TRIM37: variants seen among roughly 807,000 people sequenced by gnomAD.
The protein encoded by TRIM37 is tripartite motif containing 37.
In TRIM37, 80 loss-of-function variants were observed where a neutral mutation model predicts 129.8. The ratio of observed to expected loss-of-function variants is 0.62; its 90% CI spans 0.51 to 0.74. The LOEUF is 0.74. TRIM37 is among the 30% of genes least tolerant of loss of function. TRIM37 has a pLI of 0.00. For synonymous variants in TRIM37, 389 were observed against 387.1 expected, an observed-to-expected ratio of 1.00 and a Z score of -0.06; for missense variants, 1,054 against 1,176.5, an observed-to-expected ratio of 0.90 and a Z score of 1.52.
At chr17:59,009,255 G>A (rs1275953857) in intron 22 of TRIM37, among the ~76,000 whole-genome samples, 1 of 151,868 alleles carries the variant, frequency 6.6e-6, no homozygotes, top group Non-Finnish European at 1.5e-5. Context: ...AGCCTCTCGA[G>A]TAGCTGGGAT....
At chr17:58,983,157 G>T in intron 24 of TRIM37, 1 of 447,366 alleles carries the variant, frequency 2.2e-6, no homozygotes, top group East Asian at 3.5e-5. Flanking sequence ...TAGGGGTCTG[G>T]ATTTTGTAGG....
chr17:58,981,076 C>G (rs1567901537), downstream of TRIM37: 2 of 1,333,850 alleles, frequency 1.5e-6, no homozygotes, highest in Non-Finnish European at 2.1e-6. Context: ...AATAAAAATA[C>G]CACTATCAGA....
Position 59,049,319 on chromosome 17 carries a change from T to G in TRIM37, c.1389A>C (p.Gln463His). The G allele has an allele frequency of 1.2e-6, 2 of 1,614,198 alleles. No homozygotes were observed. The highest frequency in any genetic ancestry group is 1.7e-6 in the Non-Finnish European group (2 of 1,180,050). The change falls in exon 15 of 24, where the codon CAA becomes CAC. Residue 463 changes from glutamine (Q) to histidine (H), a missense_variant. Physicochemically the swap from Gln to His is conservative, Grantham distance 24. Coordinates refer to ENST00000262294, the MANE Select transcript of TRIM37 (RefSeq NM_015294.6). ...CTCGTGTCTCCAGAGCATCATCATT[T>G]TGGGGGCTAAGATGGTTATCTGGTG... Reference protein sequence around the residue: ...LSPPDNHLSPQNDDALETRAK... With the variant: ...LSPPDNHLSPHNDDALETRAK...
downstream of TRIM37, chr17:58,981,252 G>T: frequency 2.0e-6 from 1 of 499,190 alleles, no homozygotes; most frequent in South Asian, 2.9e-5. Context: ...GCTGGTCCCT[G>T]TGATGTGTCT....
At chr17:58,969,385 C>A in the TRIM37 span, 1 of 769,346 alleles carries the variant, frequency 1.3e-6, no homozygotes, top group Non-Finnish European at 2.3e-6. Flanking sequence ...AGCAGTTGAT[C>A]AGGCATGTTA....
At chr17:59,063,023 G>A (rs776368041) in intron 10 of TRIM37, among the ~76,000 whole-genome samples, 1 of 152,166 alleles carries the variant, frequency 6.6e-6, no homozygotes, top group South Asian at 2.1e-4. Flanking sequence ...CTTCTCTGCA[G>A]TATAATCATC....
chr17:58,983,110 T>C, intron 24 of TRIM37: 1 of 564,322 alleles, frequency 1.8e-6, no homozygotes, highest in Non-Finnish European at 3.1e-6. Flanking sequence ...GGGAAAAAAA[T>C]GGCTGGATAG....
downstream of TRIM37, among the ~76,000 whole-genome samples, chr17:58,996,469 C>CA (rs776770215): frequency 0.034 from 2,705 of 78,962 alleles, 58 homozygotes; most frequent in African/African-American, 0.067. Flanking sequence ...GAACCTGTCT[C>CA]AAAAAAAAAA....
chr17:59,052,576 G>T (rs922065536), intron 13 of TRIM37, among the ~76,000 whole-genome samples: 3 of 152,080 alleles, frequency 2.0e-5, no homozygotes, highest in Non-Finnish European at 4.4e-5. Context: ...ATTTAATGTT[G>T]GGATAGTCTT....
chr17:59,036,457 T>A (rs972794043), intron 17 of TRIM37, among the ~76,000 whole-genome samples: 2 of 149,694 alleles, frequency 1.3e-5, no homozygotes, highest in African/African-American at 5.0e-5. Context: ...GGTGTGTGTG[T>A]GTGTGTGTGT....
intron 2 of TRIM37, among the ~76,000 whole-genome samples, chr17:59,094,663 G>T (rs1599540451): frequency 6.6e-6 from 1 of 152,010 alleles, no homozygotes; most frequent in South Asian, 2.1e-4. Context: ...ATTACTACTG[G>T]ATGTGAGGAA....
chr17:59,048,854 C>A (rs1367156737), intron 15 of TRIM37, among the ~76,000 whole-genome samples: 4 of 152,234 alleles, frequency 2.6e-5, no homozygotes, highest in Non-Finnish European at 4.4e-5. Flanking sequence ...ACCTTGGCCT[C>A]CCAAAGTGCT....
At chr17:59,090,764 T>C (rs2044223987) in intron 3 of TRIM37, among the ~76,000 whole-genome samples, 3 of 152,120 alleles carry the variant, frequency 2.0e-5, no homozygotes, top group African/African-American at 2.4e-5. Context: ...TAGCTGGGAC[T>C]ATAGTCGCGC....
At chr17:59,090,853 C>T (rs370341192) in intron 3 of TRIM37, among the ~76,000 whole-genome samples, 11 of 152,008 alleles carry the variant, frequency 7.2e-5, no homozygotes, top group Admixed American at 2.0e-4. Context: ...GTCGAATTCC[C>T]GACCTCAGGT....
At chr17:59,093,917 C>CA (rs1373839857) in intron 2 of TRIM37, among the ~76,000 whole-genome samples, 1 of 151,956 alleles carries the variant, frequency 6.6e-6, no homozygotes, top group East Asian at 1.9e-4. Context: ...TTTTTTGAGA[C>CA]AGAGTCTCAC....
At position 58,999,426 on chromosome 17, in the gene TRIM37, A is replaced by C; in HGVS notation, c.2846T>G (p.Ile949Arg). The change falls in exon 24 of 24, where the codon ATA becomes AGA. Residue 949 changes from isoleucine (I) to arginine (R), a missense_variant. By Grantham distance (97) the Ile-to-Arg change is moderately conservative. Coordinates refer to ENST00000262294, the MANE Select transcript of TRIM37 (RefSeq NM_015294.6). ...THSSFPDGEQIGPEDLSFNTD... is the reference protein window; with the variant it reads ...THSSFPDGEQRGPEDLSFNTD... Reference sequence around the variant, plus strand: ...ATTGAAGCTGAGATCTTCAGGGCCTATTTGTTCACCATCAGGAAAACTGGA... The same window carrying C: ...ATTGAAGCTGAGATCTTCAGGGCCTCTTTGTTCACCATCAGGAAAACTGGA... 1 of 1,613,718 alleles carries C rather than the reference A, an allele frequency of 6.2e-7. No individual in the cohort carries two copies. Among genetic ancestry groups the C allele is most frequent in the Non-Finnish European group, 8.5e-7 (1 of 1,179,846 alleles).
intron 16 of TRIM37, among the ~76,000 whole-genome samples, chr17:59,044,031 A>G (rs1474953738): frequency 6.6e-6 from 1 of 152,168 alleles, no homozygotes; most frequent in African/African-American, 2.4e-5. Context: ...GTGGTGGTTC[A>G]TGCCTGTAAT....
chr17:58,989,816 T>A (rs868139614), intron 24 of TRIM37, among the ~76,000 whole-genome samples: 4 of 152,002 alleles, frequency 2.6e-5, no homozygotes, highest in Middle Eastern at 6.8e-3. Flanking sequence ...GCAGAAGAAA[T>A]ATTCGAAGAG....
intron 22 of TRIM37, among the ~76,000 whole-genome samples, chr17:59,009,165 C>T (rs1377763480): frequency 6.6e-6 from 1 of 152,080 alleles, no homozygotes; most frequent in Non-Finnish European, 1.5e-5. Flanking sequence ...CTCGCTCTGT[C>T]ACCCAGGCTG....
Sources: allele counts gnomAD v4.1 joint callset (sites outside exome capture counted in the v4.1 genomes callset), GRCh38; gene constraint gnomAD v4.1.1; transcripts MANE v1.5; gene names NCBI Gene and HGNC (gene_info 2026-07-23, HGNC 2026-07-21).